ZPLD1: variants seen among roughly 807,000 people sequenced by gnomAD.
ZPLD1 encodes the protein zona pellucida-like domain-containing protein 1.
In ZPLD1, 34 loss-of-function variants were observed where a neutral mutation model predicts 47.2. That is an observed-to-expected ratio of 0.72 (90% CI 0.55 to 0.96). The LOEUF is 0.96. Among genes scored for constraint, ZPLD1 ranks in the 40% least tolerant of loss-of-function variants. The pLI, the probability that ZPLD1 is intolerant of heterozygous loss-of-function variation, is 0.00. For missense variants in ZPLD1, 512 were observed against 505.8 expected (o/e 1.01, Z -0.12); for synonymous variants, 176 against 186.2 (o/e 0.95, Z 0.45).
At chr3:102,451,877 C>T (rs1007825855) in intron 3 of ZPLD1, among the ~76,000 whole-genome samples, 2 of 152,136 alleles carry the variant, frequency 1.3e-5, no homozygotes, top group African/African-American at 4.8e-5. Flanking sequence ...AGTATTACCT[C>T]ATCTTACCTA....
chr3:102,467,138 C>A (rs74336477), intron 8 of ZPLD1, among the ~76,000 whole-genome samples: 1 of 151,910 alleles, frequency 6.6e-6, no homozygotes, highest in African/African-American at 2.4e-5. Flanking sequence ...AAACGACATA[C>A]GCAATAAGCT....
intron 3 of ZPLD1, among the ~76,000 whole-genome samples, chr3:102,446,770 T>C (rs1395515737): frequency 6.6e-6 from 1 of 152,208 alleles, no homozygotes; most frequent in Non-Finnish European, 1.5e-5. Flanking sequence ...TTGTTTATAA[T>C]GTTGTTTACA....
intron 7 of ZPLD1, among the ~76,000 whole-genome samples, chr3:102,407,543 C>A (rs1042809611): frequency 1.3e-5 from 2 of 148,988 alleles, no homozygotes; most frequent in South Asian, 4.3e-4. Context: ...TAGAAAGCTA[C>A]AATATTCAGT....
chr3:102,455,447 A>G (rs1039947121), intron 4 of ZPLD1, among the ~76,000 whole-genome samples: 4 of 152,214 alleles, frequency 2.6e-5, no homozygotes, highest in African/African-American at 9.6e-5. Context: ...CCCAAAACCC[A>G]TCTATAAGCT....
upstream of ZPLD1, among the ~76,000 whole-genome samples, chr3:102,433,838 G>A (rs58053294): frequency 0.35 from 53,478 of 152,002 alleles, 9,770 homozygotes; most frequent in Middle Eastern, 0.48. Flanking sequence ...CAAGAACAAT[G>A]TTCTTTATGC....
chr3:102,463,971 A>G (rs372244345), intron 7 of ZPLD1, among the ~76,000 whole-genome samples, 200 bp from the exon 8 acceptor site: 47 of 151,982 alleles, frequency 3.1e-4, no homozygotes, highest in African/African-American at 1.0e-3. Flanking sequence ...AATGTCGTGA[A>G]CCCAGGAGGC....
At chr3:102,456,554 T>TATC (rs778017559) in intron 5 of ZPLD1, among the ~76,000 whole-genome samples, 180 bp downstream of exon 5, 8 of 99,498 alleles carry the variant, frequency 8.0e-5, no homozygotes, top group Non-Finnish European at 1.9e-4. Flanking sequence ...TATATCTATC[T>TATC]ATCTATCTAT....
intron 7 of ZPLD1, among the ~76,000 whole-genome samples, chr3:102,408,461 A>G (rs975279594): frequency 6.6e-6 from 1 of 151,884 alleles, no homozygotes; most frequent in Non-Finnish European, 1.5e-5. Context: ...GTTAATTTCT[A>G]TTCTATTAGA....
chr3:102,457,160 A>T (rs142354215), intron 5 of ZPLD1, among the ~76,000 whole-genome samples: 2 of 152,348 alleles, frequency 1.3e-5, no homozygotes, highest in Admixed American at 1.3e-4. Context: ...TGGAGGCCAC[A>T]TTCTACTTCA....
chr3:102,466,121 G>C (rs1374368541), intron 8 of ZPLD1, among the ~76,000 whole-genome samples: 1 of 152,144 alleles, frequency 6.6e-6, no homozygotes, highest in African/African-American at 2.4e-5. Context: ...GGGAAGGCAG[G>C]GGCTCTGTCC....
At chr3:102,475,787 A>G (rs1266971444) in intron 10 of ZPLD1, among the ~76,000 whole-genome samples, 3 of 152,190 alleles carry the variant, frequency 2.0e-5, no homozygotes, top group African/African-American at 7.2e-5. Flanking sequence ...CTTCAGAATC[A>G]GACAGCAGAA....
chr3:102,439,480 T>C (rs750696335), intron 3 of ZPLD1, among the ~76,000 whole-genome samples: 7 of 152,136 alleles, frequency 4.6e-5, no homozygotes, highest in Non-Finnish European at 8.8e-5. Context: ...GTTAGTAAAA[T>C]ATGAAGGTCA....
chr3:102,428,722 A>G (rs1425272585), intron 8 of ZPLD1, among the ~76,000 whole-genome samples: 2 of 150,944 alleles, frequency 1.3e-5, no homozygotes, highest in African/African-American at 2.4e-5. Flanking sequence ...ACATATATGT[A>G]TATATATGTT....
At chr3:102,459,950 G>T (rs1303052648) in intron 6 of ZPLD1, among the ~76,000 whole-genome samples, 2 of 151,934 alleles carry the variant, frequency 1.3e-5, no homozygotes, top group South Asian at 2.1e-4. Context: ...GCTCATCATT[G>T]CTGTATAATA....
At chr3:102,455,892 G>T (rs950154522) in intron 4 of ZPLD1, among the ~76,000 whole-genome samples, 1 of 152,278 alleles carries the variant, frequency 6.6e-6, no homozygotes, top group East Asian at 1.9e-4. Context: ...CCATGCCAGA[G>T]AATTTTGGCT....
At chr3:102,468,879 C>A in intron 8 of ZPLD1, 85 bp from the exon 9 acceptor site, 1 of 1,357,706 alleles carries the variant, frequency 7.4e-7, no homozygotes, top group South Asian at 1.4e-5. Context: ...ATGGCGGAGT[C>A]TTAATACGGT....
chr3:102,434,266 A>G (rs908745423), upstream of ZPLD1, among the ~76,000 whole-genome samples: 4 of 152,228 alleles, frequency 2.6e-5, no homozygotes, highest in South Asian at 8.3e-4. Flanking sequence ...ATTAAAATCT[A>G]AAGACCAATG....
At chr3:102,431,033 C>G (rs1030138013), upstream of ZPLD1, among the ~76,000 whole-genome samples, 1 of 152,170 alleles carries the variant, frequency 6.6e-6, no homozygotes, top group African/African-American at 2.4e-5. Flanking sequence ...TAAGGGAAAG[C>G]TTTTAAAGTG....
chr3:102,452,929 C>T lies in ZPLD1; in HGVS notation c.117C>T (p.Asp39=). 1 of 1,613,828 alleles carries T rather than the reference C, an allele frequency of 6.2e-7. No homozygotes were observed. The highest frequency in any genetic ancestry group is 8.5e-7 in the Non-Finnish European group (1 of 1,179,822). The change falls in exon 4 of 12, where the codon GAC becomes GAT. Residue 39 remains aspartate (D), a synonymous_variant. Coordinates refer to ENST00000466937, the MANE Select transcript of ZPLD1 (RefSeq NM_001329788.2). ...NLHSRFPAER[D]ISVYCGVQAI... ...ATATTTTTATTTCAGCTGAAAGAGA[C>T]ATCAGTGTCTATTGTGGAGTGCAGG...
Sources: allele counts gnomAD v4.1 joint callset (sites outside exome capture counted in the v4.1 genomes callset), GRCh38; gene constraint gnomAD v4.1.1; transcripts MANE v1.5; gene names NCBI Gene and HGNC (gene_info 2026-07-23, HGNC 2026-07-21).